Variants in UBE3C observed in about 807,000 individuals in gnomAD.
UBE3C encodes the protein ubiquitin-protein ligase E3C.
A neutral mutation model predicts 129.4 loss-of-function variants in UBE3C; 42 were observed. The observed-to-expected ratio is 0.32, with a 90% CI of 0.25 to 0.42. The LOEUF (loss-of-function observed/expected upper bound fraction) is 0.42, where lower values mean the gene tolerates loss of function less well. Ranked by LOEUF, UBE3C falls within the 10% of genes least tolerant of loss-of-function variation. UBE3C has a pLI of 1.00. For synonymous variants in UBE3C, 510 were observed against 492.4 expected (o/e 1.04, Z -0.47); for missense variants, 1,049 against 1,319.1 (o/e 0.80, Z 3.17).
At chr7:157,266,857 C>T (rs1384631158) in intron 22 of UBE3C, among the ~76,000 whole-genome samples, 10 of 152,066 alleles carry the variant, frequency 6.6e-5, no homozygotes, top group Admixed American at 5.2e-4. Flanking sequence ...ACCTCAGCCT[C>T]CCAAGTAGCT....
At chr7:157,204,120 A>G (rs1809363781) in intron 11 of UBE3C, among the ~76,000 whole-genome samples, 2 of 152,192 alleles carry the variant, frequency 1.3e-5, no homozygotes, top group Admixed American at 6.5e-5. Flanking sequence ...ACCATCTTGA[A>G]GTTGCAAAAT....
intron 22 of UBE3C, chr7:157,262,940 T>TA (rs1373860619): frequency 6.6e-6 from 1 of 152,144 alleles, no homozygotes; most frequent in African/African-American, 2.4e-5. Flanking sequence ...GGTTAGAAGG[T>TA]AATTACCTTT....
chr7:157,237,498 G>GC (rs1445284504), intron 18 of UBE3C, among the ~76,000 whole-genome samples: 1 of 152,200 alleles, frequency 6.6e-6, no homozygotes, highest in African/African-American at 2.4e-5. Context: ...AATTCTTTCT[G>GC]CCCTTGGATT....
chr7:157,173,920 G>A (rs184861299), intron 4 of UBE3C, among the ~76,000 whole-genome samples: 29 of 152,276 alleles, frequency 1.9e-4, no homozygotes, highest in African/African-American at 7.0e-4. Flanking sequence ...TTTAAGACAT[G>A]CGCTAATTTA....
intron 10 of UBE3C, among the ~76,000 whole-genome samples, chr7:157,187,419 C>T (rs1808839221): frequency 2.0e-5 from 3 of 150,054 alleles, no homozygotes. Flanking sequence ...CAGCATCTCA[C>T]TCTGTTGCCC....
intron 22 of UBE3C, 152 bp from the exon 23 acceptor site, chr7:157,267,433 A>G: frequency 3.1e-6 from 3 of 958,574 alleles, no homozygotes; most frequent in East Asian, 2.8e-5. Context: ...AAGAAAACAA[A>G]CAACAACAAC....
At chr7:157,148,009 CTT>C (rs2116802569) in intron 1 of UBE3C, among the ~76,000 whole-genome samples, 1 of 152,214 alleles carries the variant, frequency 6.6e-6, no homozygotes, top group South Asian at 2.1e-4. Flanking sequence ...TTTGTGATGT[CTT>C]TGTCTGGTTT....
chr7:157,142,755 C>T (rs780372466), intron 1 of UBE3C, among the ~76,000 whole-genome samples: 3 of 152,026 alleles, frequency 2.0e-5, no homozygotes, highest in African/African-American at 4.8e-5. Context: ...GCTCACTCCC[C>T]GGGTAATGGG....
chr7:157,190,880 GCT>G (rs1359010273), intron 10 of UBE3C, among the ~76,000 whole-genome samples: 2 of 152,136 alleles, frequency 1.3e-5, no homozygotes, highest in East Asian at 3.9e-4. Context: ...ATCCCATTGC[GCT>G]TTTTTATGCC....
intron 5 of UBE3C, among the ~76,000 whole-genome samples, chr7:157,176,518 G>A (rs1412166055): frequency 1.3e-5 from 2 of 152,152 alleles, no homozygotes; most frequent in Non-Finnish European, 2.9e-5. Flanking sequence ...CAGGTCATCC[G>A]CCTGCCTTGG....
intron 18 of UBE3C, among the ~76,000 whole-genome samples, chr7:157,246,854 A>G (rs755659794): frequency 5.3e-5 from 8 of 152,178 alleles, no homozygotes; most frequent in Non-Finnish European, 7.3e-5. Context: ...CTGGGAAAAT[A>G]GGATCACTGT....
intron 18 of UBE3C, 67 bp downstream of exon 18, chr7:157,231,394 GGTT>G: frequency 6.4e-7 from 1 of 1,573,838 alleles, no homozygotes; most frequent in Non-Finnish European, 8.6e-7. Flanking sequence ...GTTTATGTGT[GGTT>G]GTTATCCAGG....
At chr7:157,204,464 G>A (rs1318152945) in intron 11 of UBE3C, among the ~76,000 whole-genome samples, 2 of 151,036 alleles carry the variant, frequency 1.3e-5, no homozygotes, top group Non-Finnish European at 2.9e-5. Context: ...TAGAAACCCT[G>A]GAGACTGCAA....
At chr7:157,223,081 C>G (rs1795782668) in intron 15 of UBE3C, 173 bp from the exon 16 acceptor site, 3 of 629,540 alleles carry the variant, frequency 4.8e-6, no homozygotes, top group African/African-American at 1.8e-5. Context: ...CTGTGCTGAT[C>G]CTGCACTGTG....
intron 18 of UBE3C, among the ~76,000 whole-genome samples, chr7:157,235,931 C>CATT (rs1796141300): frequency 6.6e-6 from 1 of 152,202 alleles, no homozygotes; most frequent in Non-Finnish European, 1.5e-5. Context: ...GGCACCTGAA[C>CATT]ATTACATCTT....
intron 10 of UBE3C, among the ~76,000 whole-genome samples, chr7:157,199,630 C>T (rs1809224203): frequency 6.6e-6 from 1 of 151,958 alleles, no homozygotes. Context: ...GCCACCACGC[C>T]CAGCTAATTT....
intron 12 of UBE3C, 55 bp from the exon 13 acceptor site, chr7:157,207,648 G>A: frequency 1.3e-6 from 2 of 1,593,976 alleles, no homozygotes; most frequent in East Asian, 2.2e-5. Context: ...AAGTCTTTCA[G>A]TGTGTGTTAA....
At chr7:157,243,361 A>G (rs1224746947) in intron 18 of UBE3C, among the ~76,000 whole-genome samples, 4 of 152,204 alleles carry the variant, frequency 2.6e-5, no homozygotes, top group African/African-American at 7.2e-5. Flanking sequence ...GTAGAGAAGT[A>G]AGAGTGCAGC....
Position 157,172,430 on chromosome 7 carries a change from T to G in UBE3C, c.342+1980T>G, listed in dbSNP as rs74496244. ...GGAGTATACAGTGAAAAATAAGTCT[T>G]CCTCGCTACAAACCATCCCTACTAG... is the stretch of plus-strand genomic sequence containing the variant. On this transcript the variant is annotated intron_variant, in intron 4 of 22. Transcript: ENST00000348165. 4.7e-3 allele frequency among the ~76,000 whole-genome samples: 718 copies of G among 152,326 alleles called. 2 individuals carry two copies. Among genetic ancestry groups the G allele is most frequent in the African/African-American group, 0.016 (675 of 41,564 alleles).
Sources: allele counts gnomAD v4.1 joint callset (sites outside exome capture counted in the v4.1 genomes callset), GRCh38; gene constraint gnomAD v4.1.1; transcripts MANE v1.5; gene names NCBI Gene and HGNC (gene_info 2026-07-23, HGNC 2026-07-21).